EYS: variants seen among roughly 807,000 people sequenced by gnomAD.
EYS encodes EGF-like photoreceptor maintenance factor, also known as protein eyes shut homolog.
A neutral mutation model predicts 282.1 loss-of-function variants in EYS; 250 were observed. The ratio of observed to expected loss-of-function variants is 0.89; its 90% CI spans 0.80 to 0.98. EYS has a LOEUF of 0.98. Among genes scored for constraint, EYS ranks in the 50% least tolerant of loss-of-function variants. EYS has a pLI of 0.00. For synonymous variants in EYS, 1,355 were observed against 1,282.9 expected, an observed-to-expected ratio of 1.06 and a Z score of -1.20; for missense variants, 4,016 against 3,709.0, an observed-to-expected ratio of 1.08 and a Z score of -2.15.
chr6:64,541,274 G>C (rs1764689265), intron 26 of EYS, among the ~76,000 whole-genome samples: 1 of 152,014 alleles, frequency 6.6e-6, no homozygotes, highest in Non-Finnish European at 1.5e-5. Context: ...TGTACTCAGG[G>C]GCAGCTCTGT....
intron 22 of EYS, among the ~76,000 whole-genome samples, chr6:64,669,745 G>A (rs1249745817): frequency 6.6e-6 from 1 of 152,026 alleles, no homozygotes; most frequent in African/African-American, 2.4e-5. Context: ...TCAGAATGTT[G>A]AGAGTGGGAA....
At chr6:65,258,017 G>T (rs577497079) in intron 12 of EYS, among the ~76,000 whole-genome samples, 5 of 152,010 alleles carry the variant, frequency 3.3e-5, no homozygotes, top group African/African-American at 1.2e-4. Context: ...CTAACACAAA[G>T]AAATGATAAA....
chr6:65,295,422 G>A (rs777359398), intron 12 of EYS, among the ~76,000 whole-genome samples: 2 of 151,782 alleles, frequency 1.3e-5, no homozygotes, highest in East Asian at 1.9e-4. Context: ...TGTTATTAAC[G>A]TCACGGCATC....
chr6:65,319,222 A>C (rs965362298), intron 11 of EYS, among the ~76,000 whole-genome samples: 15 of 147,652 alleles, frequency 1.0e-4, no homozygotes, highest in Non-Finnish European at 1.6e-4. Flanking sequence ...AAAAAAAAAA[A>C]AAAAACAATT....
intron 22 of EYS, among the ~76,000 whole-genome samples, chr6:64,711,420 GA>G (rs970512044): frequency 2.0e-5 from 3 of 151,848 alleles, no homozygotes; most frequent in African/African-American, 7.3e-5. Flanking sequence ...TTAATAAGAG[GA>G]AAAAAACACT....
At chr6:65,372,505 T>A (rs985101776) in intron 8 of EYS, among the ~76,000 whole-genome samples, 1 of 152,036 alleles carries the variant, frequency 6.6e-6, no homozygotes, top group Non-Finnish European at 1.5e-5. Context: ...CATTTTTAAA[T>A]GTATTGGATG....
intron 13 of EYS, among the ~76,000 whole-genome samples, chr6:65,036,623 A>AC (rs1334360328): frequency 3.8e-4 from 57 of 151,844 alleles, no homozygotes; most frequent in Non-Finnish European, 3.1e-4. Flanking sequence ...TAAGCCAAAA[A>AC]AAAAACAAAA....
intron 14 of EYS, among the ~76,000 whole-genome samples, chr6:64,963,859 CA>C (rs1770008579): frequency 6.6e-6 from 1 of 152,072 alleles, no homozygotes; most frequent in South Asian, 2.1e-4. Flanking sequence ...TGCTGACCAA[CA>C]GCAAAATATT....
At chr6:65,702,251 T>G (rs1179993053) in intron 1 of EYS, among the ~76,000 whole-genome samples, 1 of 152,258 alleles carries the variant, frequency 6.6e-6, no homozygotes, top group Non-Finnish European at 1.5e-5. Context: ...AGCTACTTAA[T>G]TTTACATTAA....
intron 22 of EYS, among the ~76,000 whole-genome samples, chr6:64,763,402 A>AG (rs900218109): frequency 2.2e-4 from 33 of 152,158 alleles, no homozygotes; most frequent in African/African-American, 7.5e-4. Context: ...AGACAGAGCA[A>AG]GGGGAGATGT....
At chr6:65,175,463 G>T (rs1192942336) in intron 12 of EYS, among the ~76,000 whole-genome samples, 2 of 151,398 alleles carry the variant, frequency 1.3e-5, no homozygotes, top group East Asian at 3.9e-4. Context: ...TGAGTGGTAT[G>T]AGAAAGAAGA....
rs182284579 is a variant in EYS at position 63,733,516 on chromosome 6, A to G, written c.8072-6836T>C. On this transcript the variant is annotated intron_variant, in intron 41 of 42. Coordinates refer to ENST00000503581, the MANE Select transcript of EYS (RefSeq NM_001142800.2). ...TGTTTGTACTCAGTGTTTAGTTCCT[A>G]CCTATAAGTGAGAACAGGTGGTATT... Among the ~76,000 whole-genome samples, 610 of 151,548 alleles carry G rather than the reference A, an allele frequency of 4.0e-3. 4 individuals are homozygous for G. The highest frequency in any genetic ancestry group is 0.014 in the African/African-American group (591 of 41,232).
chr6:64,738,790 C>T (rs991851234), intron 22 of EYS, among the ~76,000 whole-genome samples: 5 of 151,950 alleles, frequency 3.3e-5, no homozygotes, highest in Admixed American at 6.6e-5. Flanking sequence ...GTAATTTTGC[C>T]CTTGTTGCCT....
In EYS at chr6:64,230,602, G is replaced by A; in HGVS notation, c.6414C>T (p.Phe2138=). Residue 2138 remains phenylalanine, a synonymous_variant, in exon 31 of 43, where the codon TTC becomes TTT. Coordinates refer to ENST00000503581, the MANE Select transcript of EYS (RefSeq NM_001142800.2). ...ATGAAGATTGATTACCTTTTTCACAGAAGCGGCCAGTGAAATGTAGTGGAC... is the reference window on the plus strand; with the variant it reads ...ATGAAGATTGATTACCTTTTTCACAAAAGCGGCCAGTGAAATGTAGTGGAC... ...CDCPLHFTGR[F]CEKDAGLFFP... The A allele has an allele frequency of 6.5e-7, 1 of 1,545,140 alleles. No homozygotes were observed. Among genetic ancestry groups the A allele is most frequent in the South Asian group, 1.2e-5 (1 of 83,862 alleles).
chr6:64,824,252 G>A (rs371776372), intron 19 of EYS, among the ~76,000 whole-genome samples: 71 of 151,936 alleles, frequency 4.7e-4, no homozygotes, highest in East Asian at 4.1e-3. Flanking sequence ...CAAGTTATAC[G>A]ACTAAGTCCA....
intron 26 of EYS, among the ~76,000 whole-genome samples, chr6:64,502,502 G>C (rs972636309): frequency 6.6e-6 from 1 of 152,146 alleles, no homozygotes; most frequent in Admixed American, 6.5e-5. Flanking sequence ...GATTACAGGC[G>C]TGAGCCACTG....
At chr6:64,047,372 G>A (rs1011077253) in intron 33 of EYS, among the ~76,000 whole-genome samples, 5 of 152,116 alleles carry the variant, frequency 3.3e-5, no homozygotes, top group Admixed American at 6.6e-5. Flanking sequence ...TTATATCAAC[G>A]TGCGGTAGGG....
intron 2 of EYS, among the ~76,000 whole-genome samples, chr6:65,524,048 T>C (rs1767468771): frequency 6.6e-6 from 1 of 152,180 alleles, no homozygotes; most frequent in Admixed American, 6.5e-5. Context: ...ATTTTTGTAT[T>C]TTTAGTAGAG....
At chr6:63,809,907 G>A (rs777435570) in intron 36 of EYS, among the ~76,000 whole-genome samples, 6 of 151,824 alleles carry the variant, frequency 4.0e-5, no homozygotes, top group Non-Finnish European at 7.4e-5. Context: ...CGAGAAATAA[G>A]GCATTATTGT....
Sources: allele counts gnomAD v4.1 joint callset (sites outside exome capture counted in the v4.1 genomes callset), GRCh38; gene constraint gnomAD v4.1.1; transcripts MANE v1.5; gene names NCBI Gene and HGNC (gene_info 2026-07-23, HGNC 2026-07-21).